Variants in DCP1A observed in about 807,000 individuals in gnomAD.
The protein encoded by DCP1A is decapping mRNA 1A.
DCP1A carries 20 observed loss-of-function variants against 58.0 expected under a neutral mutation model. That is an observed-to-expected ratio of 0.34 (90% CI 0.24 to 0.50). DCP1A has a LOEUF of 0.50. Among genes scored for constraint, DCP1A ranks in the 20% least tolerant of loss-of-function variants. The pLI, the probability that DCP1A is intolerant of heterozygous loss-of-function variation, is 0.98. For missense variants in DCP1A, 613 were observed against 712.2 expected (o/e 0.86, Z 1.59); for synonymous variants, 285 against 275.1 (o/e 1.04, Z -0.36).
intron 6 of DCP1A, among the ~76,000 whole-genome samples, chr3:53,296,114 A>G (rs1707116663): frequency 6.6e-6 from 1 of 151,932 alleles, no homozygotes; most frequent in African/African-American, 2.4e-5. Context: ...CTGGTCTCAA[A>G]CTTCTTCTGA....
chr3:53,301,227 G>A (rs1553687372), intron 6 of DCP1A, among the ~76,000 whole-genome samples: 2 of 152,114 alleles, frequency 1.3e-5, no homozygotes, highest in Non-Finnish European at 1.5e-5. Flanking sequence ...CATTGTTGAT[G>A]TGAATGTAAG....
intron 3 of DCP1A, among the ~76,000 whole-genome samples, chr3:53,340,802 T>A (rs575825816): frequency 6.6e-6 from 1 of 152,322 alleles, no homozygotes; most frequent in Admixed American, 6.5e-5. Flanking sequence ...CTGTAGTTTC[T>A]TGGAAGGGCC....
chr3:53,289,098 C>T (rs1424376558), intron 8 of DCP1A, among the ~76,000 whole-genome samples: 2 of 151,340 alleles, frequency 1.3e-5, no homozygotes, highest in African/African-American at 2.4e-5. Flanking sequence ...GCAGCTTCAA[C>T]TTCCTGGGCT....
chr3:53,288,845 C>T (rs548190320), intron 8 of DCP1A, among the ~76,000 whole-genome samples: 2 of 152,160 alleles, frequency 1.3e-5, no homozygotes, highest in African/African-American at 2.4e-5. Flanking sequence ...GGTGAAACCC[C>T]GTCTGTACTA....
intron 3 of DCP1A, among the ~76,000 whole-genome samples, chr3:53,336,129 GT>G (rs2089111489): frequency 6.8e-6 from 1 of 146,944 alleles, no homozygotes; most frequent in Non-Finnish European, 1.5e-5. Context: ...TTGAGATGGA[GT>G]TTAGCTCTTG....
rs141710077 is a variant in DCP1A at position 53,301,345 on chromosome 3, C to T, written c.624+2832G>A. On this transcript the variant is annotated intron_variant, in intron 6 of 9. Coordinates refer to ENST00000610213, the MANE Select transcript of DCP1A (RefSeq NM_018403.7). ...GGAGTGCAATGGCATGACCTCAGCT[C>T]ACTGCAACCTTTGCCTCCCAGGTTC... Among the ~76,000 whole-genome samples the T allele has an allele frequency of 7.8e-3, 1,181 of 151,962 alleles. 7 individuals are homozygous for T. The highest frequency in any genetic ancestry group is 0.015 in the South Asian group (74 of 4,810).
At chr3:53,336,852 T>TTATTTATC (rs2089125188) in intron 3 of DCP1A, among the ~76,000 whole-genome samples, 1 of 76,560 alleles carries the variant, frequency 1.3e-5, no homozygotes, top group African/African-American at 3.4e-5. Context: ...CCAGATTTAT[T>TTATTTATC]TATTTATTTA....
rs35716152 is a variant in DCP1A, at chr3:53,287,342, C to CTTTTTTTTT, written c.*229_*237dup. On this transcript the variant is annotated 3_prime_UTR_variant, in exon 10 of 10. Coordinates refer to ENST00000610213, the MANE Select transcript of DCP1A (RefSeq NM_018403.7). ...CATAACTTAACACAATGATCGCTCT[C>CTTTTTTTTT]TTTTTTTTTTTTTTTTTTTTTTTTT... is the stretch of plus-strand genomic sequence containing the variant. The CTTTTTTTTT allele has an allele frequency of 6.0e-6, 1 of 166,410 alleles. No individual in the cohort carries two copies. Among genetic ancestry groups the CTTTTTTTTT allele is most frequent in the African/African-American group, 4.4e-5 (1 of 22,878 alleles). 10.3% of individuals were successfully genotyped at this position (166,410 alleles called of 1,614,324 possible).
chr3:53,329,505 G>A (rs1332121332), intron 3 of DCP1A: 5 of 396,206 alleles, frequency 1.3e-5, no homozygotes, highest in South Asian at 2.6e-4. Flanking sequence ...TACTTAAGAG[G>A]TAATTGTCTT....
intron 3 of DCP1A, among the ~76,000 whole-genome samples, chr3:53,341,358 G>A (rs1308135032): frequency 6.6e-6 from 1 of 152,138 alleles, no homozygotes; most frequent in Non-Finnish European, 1.5e-5. Flanking sequence ...GGGAGGCCGA[G>A]CCAGGAGAAG....
intron 3 of DCP1A, among the ~76,000 whole-genome samples, chr3:53,332,873 A>C: frequency 6.6e-6 from 1 of 151,880 alleles, no homozygotes; most frequent in Non-Finnish European, 1.5e-5. Context: ...AAAAAAAAGA[A>C]ATTTCTACTT....
intron 5 of DCP1A, among the ~76,000 whole-genome samples, chr3:53,308,451 C>T (rs1707540613): frequency 6.6e-6 from 1 of 152,156 alleles, no homozygotes; most frequent in African/African-American, 2.4e-5. Context: ...ACCACCACAC[C>T]TGGCTGATTT....
chr3:53,288,149 A>G lies in DCP1A; in HGVS notation c.1584T>C (p.Thr528=), dbSNP rs782712782. ...TTCTCTGACTTTCTGGCGTTCCAAT[A>G]GTTAGAGGAGAAGGGGAGCTGGCTT... The part of the protein sequence containing the change: ...ERKASSPSPL[T]IGTPESQRKP... Residue 528 remains threonine, a synonymous_variant, in exon 9 of 10, where the codon ACT becomes ACC. Coordinates refer to ENST00000610213, the MANE Select transcript of DCP1A (RefSeq NM_018403.7). 3.4e-5 allele frequency: 55 copies of G among 1,613,932 alleles called. 1 individual carries two copies. The South Asian group carries it at 5.9e-4, about 17-fold the overall frequency.
intron 2 of DCP1A, among the ~76,000 whole-genome samples, chr3:53,344,580 T>C (rs2089268624): frequency 6.6e-6 from 1 of 152,196 alleles, no homozygotes; most frequent in Non-Finnish European, 1.5e-5. Flanking sequence ...GTATTGTCTT[T>C]TCCCCAAATA....
rs1310465509 is a variant in DCP1A, at chr3:53,283,548, C to T, written c.*4032G>A. On this transcript the variant is annotated 3_prime_UTR_variant, in exon 10 of 10. Coordinates refer to ENST00000610213, the MANE Select transcript of DCP1A (RefSeq NM_018403.7). ...ATAACTTAATATTTGCAAACATACA[C>T]AGATGCTATAAAATCCATACCATTA... 6.6e-6 allele frequency: 1 copy of T among 152,134 alleles called. No individual in the cohort carries two copies. Among genetic ancestry groups the T allele is most frequent in the Non-Finnish European group, 1.5e-5 (1 of 68,026 alleles). The allele number at this position is 152,134 out of a possible 1,614,324, so 9.4% of individuals were successfully genotyped here.
chr3:53,329,064 T>C, intron 3 of DCP1A: 1 of 306,812 alleles, frequency 3.3e-6, no homozygotes, highest in East Asian at 5.2e-5. Context: ...CCTCTTTCAG[T>C]GTGGAGGGAG....
In DCP1A at chr3:53,292,467, C is replaced by T; in HGVS notation, c.985G>A (p.Ala329Thr). 1 of 1,613,924 alleles carries T rather than the reference C, an allele frequency of 6.2e-7. No individual in the cohort carries two copies. Among genetic ancestry groups the T allele is most frequent in the Non-Finnish European group, 8.5e-7 (1 of 1,179,884 alleles). The change falls in exon 7 of 10, where the codon GCA becomes ACA. Residue 329 changes from alanine to threonine, a missense_variant. Ala to Thr is a moderately conservative substitution (Grantham distance 58). Around this residue, in one of 3 missense-constraint regions of DCP1A, gnomAD observed 498 missense variants for 556.7 expected, o/e 0.89. Coordinates refer to ENST00000610213, the MANE Select transcript of DCP1A (RefSeq NM_018403.7). ...CGAGGTAAGCTGGGGGGAACCTGTG[C>T]AGTAGGAGCTTCAGCTGGCAGAGTG... ...SPTLPAEAPT[A>T]QVPPSLPRNS...
chr3:53,322,550 T>C (rs922172205), intron 3 of DCP1A, among the ~76,000 whole-genome samples: 4 of 151,770 alleles, frequency 2.6e-5, no homozygotes, highest in African/African-American at 9.7e-5. Context: ...TTAATGAAAA[T>C]ATTATTGATA....
intron 6 of DCP1A, among the ~76,000 whole-genome samples, chr3:53,299,995 G>A (rs1707260224): frequency 6.6e-6 from 1 of 152,150 alleles, no homozygotes; most frequent in Admixed American, 6.5e-5. Context: ...TGCCTCCTGA[G>A]TAGCTGGGAT....
Sources: allele counts gnomAD v4.1 joint callset (sites outside exome capture counted in the v4.1 genomes callset), GRCh38; gene constraint gnomAD v4.1.1; regional missense constraint gnomAD v4.1.1; transcripts MANE v1.5; gene names NCBI Gene and HGNC (gene_info 2026-07-23, HGNC 2026-07-21).